AHDC1: variants seen among roughly 807,000 people sequenced by gnomAD.
The protein encoded by AHDC1 is transcription factor Gibbin.
In AHDC1, 7 loss-of-function variants were observed where a neutral mutation model predicts 87.9. That is an observed-to-expected ratio of 0.08 (90% CI 0.05 to 0.15). The LOEUF (loss-of-function observed/expected upper bound fraction) is 0.15, where lower values mean the gene tolerates loss of function less well. Among genes scored for constraint, AHDC1 ranks in the 10% least tolerant of loss-of-function variants. AHDC1 has a pLI of 1.00. For missense variants in AHDC1, 1,841 were observed against 2,253.2 expected, an observed-to-expected ratio of 0.82 and a Z score of 3.70; for synonymous variants, 1,051 against 1,006.8, an observed-to-expected ratio of 1.04 and a Z score of -0.83.
chr1:27,537,357 T>A (rs1023147919), intron 8 of AHDC1, among the ~76,000 whole-genome samples: 4 of 152,128 alleles, frequency 2.6e-5, no homozygotes, highest in Non-Finnish European at 5.9e-5. Context: ...ACCAGGGTAA[T>A]TACCACGCAG....
chr1:27,576,456 G>T (rs899908247), intron 3 of AHDC1, among the ~76,000 whole-genome samples: 1 of 152,204 alleles, frequency 6.6e-6, no homozygotes, highest in Non-Finnish European at 1.5e-5. Context: ...CACCTGCCCT[G>T]CATTATTAGC....
In AHDC1 at chr1:27,560,749, C is replaced by T. The variant is rs1181925312; in HGVS notation, c.-628-1866G>A. ...CACTGTATGATTGTGCCAGTATGGC[C>T]GTGTGTCAGCGTCAACATGTGTGAG... On this transcript the variant is annotated intron_variant, in intron 3 of 8. Coordinates refer to ENST00000673934, the MANE Select transcript of AHDC1 (RefSeq NM_001371928.1). The surrounding 1 kb of genome is among the most constrained non-coding windows in gnomAD (Gnocchi z 4.1). Among the ~76,000 whole-genome samples the T allele has an allele frequency of 6.6e-6, 1 of 151,976 alleles. No individual in the cohort carries two copies. Among genetic ancestry groups the T allele is most frequent in the South Asian group, 2.1e-4 (1 of 4,826 alleles).
At chr1:27,587,179 G>A (rs186481207) in intron 3 of AHDC1, among the ~76,000 whole-genome samples, 5 of 152,330 alleles carry the variant, frequency 3.3e-5, no homozygotes, top group Admixed American at 2.6e-4. Flanking sequence ...TGCACAGATG[G>A]GGAAACTGAG....
Position 27,548,275 on chromosome 1 carries a change from A to G in AHDC1, c.3841T>C (p.Ser1281Pro). ...PRGGRGGGAC[S>P]AKKERGGAAA... ...GCGCCACCCCGCTCCTTCTTGGCTGAGCAGGCCCCACCGCCCCGTCCACCT... is the reference window on the plus strand; with the variant it reads ...GCGCCACCCCGCTCCTTCTTGGCTGGGCAGGCCCCACCGCCCCGTCCACCT... Residue 1281 changes from serine to proline, a missense_variant, in exon 8 of 9, where the codon TCA becomes CCA. By Grantham distance (74) the Ser-to-Pro change is moderately conservative. Coordinates refer to ENST00000673934, the MANE Select transcript of AHDC1 (RefSeq NM_001371928.1). The G allele has an allele frequency of 6.2e-7, 1 of 1,609,640 alleles. No individual in the cohort carries two copies. Among genetic ancestry groups the G allele is most frequent in the Non-Finnish European group, 8.5e-7 (1 of 1,177,620 alleles).
At position 27,601,188 on chromosome 1, in the gene AHDC1, T is replaced by C. The variant is rs548715672; in HGVS notation, c.-629+2209A>G. Among the ~76,000 whole-genome samples, 200 of 152,400 alleles carry C rather than the reference T, an allele frequency of 1.3e-3. 2 individuals are homozygous for C. Among genetic ancestry groups the C allele is most frequent in the Non-Finnish European group, 2.2e-3 (148 of 68,044 alleles). On this transcript the variant is annotated intron_variant, in intron 3 of 8. Coordinates refer to ENST00000673934, the MANE Select transcript of AHDC1 (RefSeq NM_001371928.1). ...CACATCACATTTGTTTCTCTCTATA[T>C]TATTTCAAAAGTAACGGCATTAAAA...
intron 8 of AHDC1, among the ~76,000 whole-genome samples, chr1:27,539,375 G>A (rs1046848731): frequency 6.6e-5 from 10 of 151,638 alleles, no homozygotes; most frequent in African/African-American, 2.4e-4. Flanking sequence ...GGGCTCAAGC[G>A]ATCCTCCCAC....
At chr1:27,567,137 C>T (rs569505499) in intron 3 of AHDC1, among the ~76,000 whole-genome samples, 151 of 152,216 alleles carry the variant, frequency 9.9e-4, no homozygotes, top group South Asian at 5.0e-3. Flanking sequence ...GCCCTGGGGA[C>T]CCTCCTCCTC....
chr1:27,547,326 G>C lies in AHDC1; in HGVS notation c.4790C>G (p.Thr1597Arg), dbSNP rs2019213941. 1 of 1,547,212 alleles carries C rather than the reference G, an allele frequency of 6.5e-7. No individual in the cohort carries two copies. ...GPMAEPHPED[T>R]FTVTSL ...GCACTACAGGGATGTGACGGTGAAT[G>C]TGTCCTCGGGGTGAGGTTCCGCCAT... The change falls in exon 8 of 9, where the codon ACA becomes AGA. Residue 1597 changes from threonine (T) to arginine (R), a missense_variant. Physicochemically the swap from Thr to Arg is moderately conservative, Grantham distance 71. Around this residue, in one of 13 missense-constraint regions of AHDC1, gnomAD observed 505 missense variants for 626.2 expected, o/e 0.81. Coordinates refer to ENST00000673934, the MANE Select transcript of AHDC1 (RefSeq NM_001371928.1). This position sits in a 1 kb window ranked among gnomAD's most constrained non-coding sequence, Gnocchi z 4.9.
In AHDC1 at chr1:27,558,390, G is replaced by C. The variant is rs967505924; in HGVS notation, c.-310C>G. 5.5e-6 allele frequency: 1 copy of C among 180,770 alleles called. No individual in the cohort carries two copies. The highest frequency in any genetic ancestry group is 2.3e-5 in the African/African-American group (1 of 42,626). 11.2% of individuals were successfully genotyped at this position (180,770 alleles called of 1,614,324 possible). A position where few individuals can be genotyped will look rare whatever the true frequency, so the allele number is the denominator to read the frequency against. ...GCAGCTGCACACATCAGGCACTCTG[G>C]TTTCCACCTCTGCCCTGAGTCCTGG... On this transcript the variant is annotated 5_prime_UTR_variant, in exon 5 of 9. Transcript: ENST00000673934. The surrounding 1 kb of genome is among the most constrained non-coding windows in gnomAD (Gnocchi z 5.6).
chr1:27,599,627 G>A (rs2089476682), intron 3 of AHDC1, among the ~76,000 whole-genome samples: 2 of 152,162 alleles, frequency 1.3e-5, no homozygotes, highest in East Asian at 3.9e-4. Context: ...AAACAAGTGG[G>A]GGGCGTCCAA....
chr1:27,556,843 C>T (rs2019837840), intron 5 of AHDC1, among the ~76,000 whole-genome samples: 1 of 152,008 alleles, frequency 6.6e-6, no homozygotes, highest in South Asian at 2.1e-4. Flanking sequence ...CTAATCTATC[C>T]TCCTCTCAGC....
chr1:27,594,774 C>T (rs554625708), intron 3 of AHDC1, among the ~76,000 whole-genome samples: 1 of 152,148 alleles, frequency 6.6e-6, no homozygotes, highest in African/African-American at 2.4e-5. Context: ...AGAGGGTGTG[C>T]TGGAATGTGC....
At chr1:27,568,922 G>A (rs1390417328) in intron 3 of AHDC1, among the ~76,000 whole-genome samples, 1 of 152,058 alleles carries the variant, frequency 6.6e-6, no homozygotes, top group Non-Finnish European at 1.5e-5. Context: ...CATACCTACA[G>A]CCGCACTCCA....
chr1:27,587,254 A>G (rs79379527), intron 3 of AHDC1, among the ~76,000 whole-genome samples: 1 of 152,048 alleles, frequency 6.6e-6, no homozygotes, highest in African/African-American at 2.4e-5. Context: ...CCTGAAGCTG[A>G]CTCTCTAAGG....
In AHDC1 at chr1:27,558,745, G is replaced by A; in HGVS notation, c.-490C>T. 1 of 398,664 alleles carries A rather than the reference G, an allele frequency of 2.5e-6. No homozygotes were observed. The highest frequency in any genetic ancestry group is 4.4e-6 in the Non-Finnish European group (1 of 226,090). The allele number at this position is 398,664 out of a possible 1,614,324, so 24.7% of individuals were successfully genotyped here. A position where few individuals can be genotyped will look rare whatever the true frequency, so the allele number is the denominator to read the frequency against. On this transcript the variant is annotated 5_prime_UTR_variant, in exon 4 of 9. Transcript: ENST00000673934. The surrounding 1 kb of genome is among the most constrained non-coding windows in gnomAD (Gnocchi z 5.6). ...AAGATAGGCTGGGCTCAGCAGGAAA[G>A]GCCTGTCTTCATCAGCATCTCCAGG...
intron 8 of AHDC1, among the ~76,000 whole-genome samples, chr1:27,542,333 T>A (rs1290984486): frequency 6.6e-6 from 1 of 152,164 alleles, no homozygotes; most frequent in Non-Finnish European, 1.5e-5. Flanking sequence ...CTAGGTGCTA[T>A]CACAAAGCCT....
intron 3 of AHDC1, among the ~76,000 whole-genome samples, chr1:27,591,038 G>C (rs1486345289): frequency 6.6e-6 from 1 of 152,160 alleles, no homozygotes; most frequent in African/African-American, 2.4e-5. Context: ...CCCCAGCCTG[G>C]TCCCTCCAGG....
rs55855552 is a variant in AHDC1 at position 27,590,545 on chromosome 1, G to A, written c.-629+12852C>T. On this transcript the variant is annotated intron_variant, in intron 3 of 8. Coordinates refer to ENST00000673934, the MANE Select transcript of AHDC1 (RefSeq NM_001371928.1). The surrounding 1 kb of genome is among the most constrained non-coding windows in gnomAD (Gnocchi z 5.4). ...GGTTCTGCACCTCACCTCCAAGTCC[G>A]AGGGCTCTCAAGGTGAGTGTTTTGC... 4.2e-5 allele frequency among the ~76,000 whole-genome samples: 6 copies of A among 143,976 alleles called. 1 individual carries two copies. Among genetic ancestry groups the A allele is most frequent in the African/African-American group, 7.8e-5 (3 of 38,596 alleles). 94.5% of individuals were successfully genotyped at this position (143,976 alleles called of 152,430 possible).
In AHDC1 at chr1:27,547,356, C is replaced by G; in HGVS notation, c.4760G>C (p.Gly1587Ala). 2 of 1,554,848 alleles carry G rather than the reference C, an allele frequency of 1.3e-6. No homozygotes were observed. The highest frequency in any genetic ancestry group is 1.7e-6 in the Non-Finnish European group (2 of 1,152,030). The change falls in exon 8 of 9, where the codon GGG becomes GCG. Residue 1587 changes from glycine to alanine, a missense_variant. Transcript: ENST00000673934. The surrounding 1 kb of genome is among the most constrained non-coding windows in gnomAD (Gnocchi z 4.9). ...LGGGPKSGFL[G>A]PMAEPHPEDT... ...CTCGGGGTGAGGTTCCGCCATGGGCCCCAGGAAGCCGCTCTTGGGGCCCCC... is the reference window on the plus strand; with the variant it reads ...CTCGGGGTGAGGTTCCGCCATGGGCGCCAGGAAGCCGCTCTTGGGGCCCCC...
Sources: allele counts gnomAD v4.1 joint callset (sites outside exome capture counted in the v4.1 genomes callset), GRCh38; gene constraint gnomAD v4.1.1; regional missense constraint gnomAD v4.1.1; non-coding constraint Gnocchi (gnomAD v3.1); transcripts MANE v1.5; gene names NCBI Gene and HGNC (gene_info 2026-07-23, HGNC 2026-07-21).